Variants in NAV2 observed in about 807,000 individuals in gnomAD.
NAV2 encodes the protein neuron navigator 2, also known as helicase, APC down-regulated 1.
NAV2 carries 54 observed loss-of-function variants against 223.2 expected under a neutral mutation model. That is an observed-to-expected ratio of 0.24 (90% CI 0.19 to 0.30). The LOEUF (loss-of-function observed/expected upper bound fraction) is 0.30, where lower values mean the gene tolerates loss of function less well. NAV2 is among the 10% of genes least tolerant of loss of function. The pLI, the probability that NAV2 is intolerant of heterozygous loss-of-function variation, is 1.00. For missense variants in NAV2, 2,806 were observed against 3,147.5 expected (o/e 0.89, Z 2.60); for synonymous variants, 1,279 against 1,239.3 (o/e 1.03, Z -0.67).
At chr11:19,366,370 C>T (rs1848279527) in intron 1 of NAV2, among the ~76,000 whole-genome samples, 2 of 152,212 alleles carry the variant, frequency 1.3e-5, no homozygotes, top group South Asian at 4.1e-4. Flanking sequence ...CTTCTTCTCA[C>T]CTGTAGGAGA....
At chr11:19,647,056 C>CT (rs538842450) in intron 1 of NAV2, among the ~76,000 whole-genome samples, 6 of 152,156 alleles carry the variant, frequency 3.9e-5, no homozygotes, top group Non-Finnish European at 7.3e-5. Context: ...AGAGACGACA[C>CT]TTTTTCTCAG....
At chr11:19,466,568 A>C (rs1852358230) in intron 1 of NAV2, among the ~76,000 whole-genome samples, 1 of 152,246 alleles carries the variant, frequency 6.6e-6, no homozygotes, top group Admixed American at 6.5e-5. Flanking sequence ...AAAATTGTCC[A>C]TTCACTGAGA....
chr11:19,445,703 C>G (rs1590216065), intron 1 of NAV2, among the ~76,000 whole-genome samples: 1 of 150,998 alleles, frequency 6.6e-6, no homozygotes, highest in East Asian at 1.9e-4. Context: ...CTAGCTGGAT[C>G]TAGCTCTGTG....
chr11:19,566,230 C>T (rs1204642779), intron 1 of NAV2, among the ~76,000 whole-genome samples: 2 of 151,878 alleles, frequency 1.3e-5, no homozygotes, highest in African/African-American at 4.8e-5. Flanking sequence ...GCCAACACAC[C>T]TGGCTAATTT....
intron 1 of NAV2, among the ~76,000 whole-genome samples, chr11:19,654,387 A>C (rs961776437): frequency 1.3e-5 from 2 of 152,156 alleles, no homozygotes; most frequent in Admixed American, 1.3e-4. Context: ...ATTGGAAAAA[A>C]CTACTTTAAA....
At position 19,940,262 on chromosome 11, in the gene NAV2, A is replaced by T. The variant is rs146356524; in HGVS notation, c.2146+489A>T. 6.6e-3 allele frequency among the ~76,000 whole-genome samples: 998 copies of T among 152,324 alleles called. 16 individuals carry two copies. In the South Asian group the frequency reaches 0.069, roughly 11 times the overall value. ...TTCTTTTTACCAGAAACAAAAAAAA[A>T]ATATAAATTTTATTTAAATGTAATG... On this transcript the variant is annotated intron_variant, in intron 8 of 37. Coordinates refer to ENST00000349880, the MANE Select transcript of NAV2 (RefSeq NM_145117.5).
intron 1 of NAV2, among the ~76,000 whole-genome samples, chr11:19,649,818 T>C (rs891425799): frequency 1.3e-5 from 2 of 152,060 alleles, no homozygotes; most frequent in Non-Finnish European, 2.9e-5. Context: ...ATATGAATGG[T>C]AAATAAGCAC....
chr11:20,109,879 C>A (rs2062477623), intron 36 of NAV2, among the ~76,000 whole-genome samples: 1 of 152,262 alleles, frequency 6.6e-6, no homozygotes, highest in Admixed American at 6.5e-5. Flanking sequence ...GGGAGCCTGT[C>A]TGTGCTCCAG....
intron 6 of NAV2, 39 bp downstream of exon 6, chr11:19,892,633 T>C (rs767902116): frequency 6.2e-7 from 1 of 1,604,826 alleles, no homozygotes; most frequent in South Asian, 1.1e-5. Context: ...GGTATTTTCC[T>C]TCAGAGCACA....
chr11:19,637,606 C>T (rs1465068331), intron 1 of NAV2, among the ~76,000 whole-genome samples: 1 of 152,230 alleles, frequency 6.6e-6, no homozygotes, highest in Non-Finnish European at 1.5e-5. Flanking sequence ...CTGGGGAGGC[C>T]TCAGGAAGCT....
At chr11:19,977,138 G>A (rs1217445186) in intron 10 of NAV2, among the ~76,000 whole-genome samples, 1 of 152,190 alleles carries the variant, frequency 6.6e-6, no homozygotes, top group Non-Finnish European at 1.5e-5. Flanking sequence ...AGCGGTTGTT[G>A]GAAGCATTCC....
At chr11:19,918,884 C>T (rs989413551) in intron 6 of NAV2, among the ~76,000 whole-genome samples, 6 of 152,216 alleles carry the variant, frequency 3.9e-5, no homozygotes, top group Non-Finnish European at 8.8e-5. Context: ...CCAATCATCA[C>T]GATAGCTTCT....
At chr11:19,859,137 C>CTCTTTTTTTTTTTTTTTTTTTTT (rs1467179579) in intron 3 of NAV2, among the ~76,000 whole-genome samples, 2 of 107,108 alleles carry the variant, frequency 1.9e-5, no homozygotes, top group African/African-American at 6.8e-5. Context: ...ATCATATTCT[C>CTCTTTTTTTTTTTTTTTTTTTTT]TTTTTTTTTT....
At chr11:19,905,085 T>G (rs1374342047) in intron 6 of NAV2, among the ~76,000 whole-genome samples, 2 of 152,204 alleles carry the variant, frequency 1.3e-5, no homozygotes, top group Non-Finnish European at 2.9e-5. Flanking sequence ...ATGAGCTTTA[T>G]TTTTGAGGGT....
At chr11:19,769,659 T>G (rs55699304) in intron 1 of NAV2, among the ~76,000 whole-genome samples, 16,753 of 152,184 alleles carry the variant, frequency 0.11, 1,004 homozygotes, top group Non-Finnish European at 0.13. Flanking sequence ...AACAACCATG[T>G]CCTGGGAGGA....
At chr11:19,614,141 A>G (rs2046722514) in intron 1 of NAV2, among the ~76,000 whole-genome samples, 1 of 152,134 alleles carries the variant, frequency 6.6e-6, no homozygotes, top group Non-Finnish European at 1.5e-5. Flanking sequence ...AGGCCTTAAA[A>G]CAAGGCTGGC....
intron 7 of NAV2, 128 bp downstream of exon 7, chr11:19,934,405 C>T: frequency 9.0e-7 from 1 of 1,116,770 alleles, no homozygotes; most frequent in Non-Finnish European, 1.2e-6. Flanking sequence ...GCTAAGAAAC[C>T]ACGTGATGAA....
chr11:19,793,827 C>A (rs189797222), intron 1 of NAV2, among the ~76,000 whole-genome samples: 1 of 152,202 alleles, frequency 6.6e-6, no homozygotes, highest in African/African-American at 2.4e-5. Context: ...CAGCCACAGG[C>A]GCCCACCTCA....
chr11:19,683,960 C>T (rs963480172), intron 1 of NAV2, among the ~76,000 whole-genome samples: 8 of 152,190 alleles, frequency 5.3e-5, no homozygotes, highest in African/African-American at 7.2e-5. Flanking sequence ...CAAAATGGGA[C>T]GATAAGTTTA....
Sources: gnomAD v4.1 joint callset for allele counts (sites outside exome capture counted in the v4.1 genomes callset) on GRCh38, gnomAD v4.1.1 for gene constraint, MANE v1.5 for transcripts, NCBI Gene and HGNC (gene_info 2026-07-23, HGNC 2026-07-21) for gene names.